SUPT3H: variants seen among roughly 807,000 people sequenced by gnomAD.
SUPT3H encodes the protein SPT3 homolog, SAGA and STAGA complex component, also known as transcription initiation protein SPT3 homolog.
In SUPT3H, 44 loss-of-function variants were observed where a neutral mutation model predicts 44.3. The observed-to-expected ratio is 0.99, with a 90% CI of 0.78 to 1.28. The LOEUF (loss-of-function observed/expected upper bound fraction) is 1.28, where lower values mean the gene tolerates loss of function less well. Among genes scored for constraint, SUPT3H ranks in the 50% most tolerant of loss-of-function variants. The pLI is 0.00. For missense variants in SUPT3H, 380 were observed against 387.1 expected (o/e 0.98, Z 0.15); for synonymous variants, 124 against 125.6 (o/e 0.99, Z 0.09).
At chr6:45,301,838 T>C (rs916213472) in intron 2 of SUPT3H, among the ~76,000 whole-genome samples, 2 of 152,236 alleles carry the variant, frequency 1.3e-5, no homozygotes, top group South Asian at 2.1e-4. Flanking sequence ...AGTATTTTTT[T>C]AACTTTGTAT....
At chr6:44,886,546 C>A (rs537486670) in intron 10 of SUPT3H, among the ~76,000 whole-genome samples, 6 of 152,186 alleles carry the variant, frequency 3.9e-5, no homozygotes, top group South Asian at 2.1e-4. Context: ...GAAATAAAAT[C>A]CTTTACAGAC....
chr6:45,218,372 A>G (rs1231406165), intron 2 of SUPT3H, among the ~76,000 whole-genome samples: 1 of 152,094 alleles, frequency 6.6e-6, no homozygotes, highest in Non-Finnish European at 1.5e-5. Context: ...ATAGAGCTGG[A>G]AAAAAAATTG....
chr6:45,241,165 A>G (rs892032678), intron 2 of SUPT3H, among the ~76,000 whole-genome samples: 1 of 152,100 alleles, frequency 6.6e-6, no homozygotes, highest in African/African-American at 2.4e-5. Flanking sequence ...CTTTGTTTTT[A>G]TCACTTTGTG....
At position 45,295,505 on chromosome 6, in the gene SUPT3H, C is replaced by T. The variant is rs536519249; in HGVS notation, c.101+69696G>A. ...GATAAATTTCTGGGACTTAATTAAA[C>T]GAAAGAGCTTTTGCACAGCAAAAAA... is the stretch of plus-strand genomic sequence containing the variant. On this transcript the variant is annotated intron_variant, in intron 2 of 10. Transcript: ENST00000371459. 1.0e-4 allele frequency among the ~76,000 whole-genome samples: 9 copies of T among 88,002 alleles called. No homozygotes were observed. In the East Asian group the frequency reaches 2.2e-3, roughly 22 times the overall value. The allele number at this position is 88,002 out of a possible 152,430, so 57.7% of individuals were successfully genotyped here. A position where few individuals can be genotyped will look rare whatever the true frequency, so the allele number is the denominator to read the frequency against.
chr6:45,092,649 C>T (rs1029289817), intron 3 of SUPT3H, among the ~76,000 whole-genome samples: 4 of 150,578 alleles, frequency 2.7e-5, no homozygotes, highest in African/African-American at 9.8e-5. Flanking sequence ...ACTTGGGGGA[C>T]CGAGGCAGGA....
At chr6:45,129,728 C>A (rs1200875184) in intron 2 of SUPT3H, among the ~76,000 whole-genome samples, 4 of 151,500 alleles carry the variant, frequency 2.6e-5, no homozygotes, top group African/African-American at 9.7e-5. Context: ...ATATCGTATG[C>A]CAGAAAGCGA....
intron 10 of SUPT3H, among the ~76,000 whole-genome samples, chr6:44,920,830 T>C (rs753358817): frequency 9.9e-5 from 15 of 152,206 alleles, no homozygotes; most frequent in Admixed American, 3.3e-4. Flanking sequence ...TGAACAGCCA[T>C]GCTACTTTCA....
chr6:45,296,156 C>T (rs907819612), intron 2 of SUPT3H, among the ~76,000 whole-genome samples: 18 of 147,336 alleles, frequency 1.2e-4, no homozygotes, highest in East Asian at 3.9e-4. Flanking sequence ...TACATACACA[C>T]ATATACATAC....
chr6:44,965,217 G>A (rs375084135), intron 6 of SUPT3H, among the ~76,000 whole-genome samples: 108 of 152,256 alleles, frequency 7.1e-4, no homozygotes, highest in African/African-American at 2.6e-3. Flanking sequence ...GATAGTGCAA[G>A]CACATCACAG....
intron 2 of SUPT3H, among the ~76,000 whole-genome samples, chr6:45,172,673 C>T (rs1019617818): frequency 1.3e-5 from 2 of 151,578 alleles, no homozygotes; most frequent in African/African-American, 2.4e-5. Flanking sequence ...CTCGCTACAA[C>T]CTCTGCCTCC....
chr6:44,909,356 T>G (rs1452456529), intron 10 of SUPT3H, among the ~76,000 whole-genome samples: 2 of 152,168 alleles, frequency 1.3e-5, no homozygotes, highest in Non-Finnish European at 2.9e-5. Context: ...CCCTCCCTAA[T>G]TATACTTTTC....
chr6:45,111,493 T>C (rs747133522), intron 2 of SUPT3H, among the ~76,000 whole-genome samples: 3 of 151,770 alleles, frequency 2.0e-5, no homozygotes, highest in Non-Finnish European at 2.9e-5. Context: ...TCAGTCTAAT[T>C]AGTACTAGAA....
At chr6:45,347,193 C>T (rs952827853) in intron 2 of SUPT3H, among the ~76,000 whole-genome samples, 3 of 152,074 alleles carry the variant, frequency 2.0e-5, no homozygotes, top group African/African-American at 7.2e-5. Flanking sequence ...ATCTGGCTAA[C>T]ATCTAAATTT....
At chr6:44,854,317 T>A (rs1269206952) in intron 10 of SUPT3H, among the ~76,000 whole-genome samples, 1 of 152,180 alleles carries the variant, frequency 6.6e-6, no homozygotes, top group Non-Finnish European at 1.5e-5. Flanking sequence ...TATGGACTCT[T>A]TTAATAACAC....
chr6:44,979,431 A>AT (rs1436146059), intron 6 of SUPT3H, among the ~76,000 whole-genome samples: 1 of 152,202 alleles, frequency 6.6e-6, no homozygotes, highest in Non-Finnish European at 1.5e-5. Context: ...CACTTGGCCT[A>AT]TGGTTATGAT....
intron 2 of SUPT3H, among the ~76,000 whole-genome samples, chr6:45,221,613 ATAGAT>A (rs1163608224): frequency 1.3e-5 from 2 of 152,186 alleles, no homozygotes; most frequent in African/African-American, 4.8e-5. Context: ...GTTTATGTTC[ATAGAT>A]TAGAAGACTC....
chr6:45,235,218 T>C (rs181099259), intron 2 of SUPT3H, among the ~76,000 whole-genome samples: 14 of 152,312 alleles, frequency 9.2e-5, no homozygotes, highest in Non-Finnish European at 2.1e-4. Flanking sequence ...ATAAACATTA[T>C]TATAAGGCCA....
At chr6:45,177,397 C>T (rs1812162808) in intron 2 of SUPT3H, among the ~76,000 whole-genome samples, 1 of 152,138 alleles carries the variant, frequency 6.6e-6, no homozygotes, top group African/African-American at 2.4e-5. Context: ...CGAGTAAAGC[C>T]TCCAAGAAAT....
intron 3 of SUPT3H, among the ~76,000 whole-genome samples, chr6:45,029,242 T>C (rs1786529021): frequency 6.6e-6 from 1 of 151,654 alleles, no homozygotes; most frequent in South Asian, 2.1e-4. Context: ...CACAGTTAAG[T>C]CAGGTTTTAA....
Sources: gnomAD v4.1 joint callset for allele counts (sites outside exome capture counted in the v4.1 genomes callset) on GRCh38, gnomAD v4.1.1 for gene constraint, MANE v1.5 for transcripts, NCBI Gene and HGNC (gene_info 2026-07-23, HGNC 2026-07-21) for gene names.